LRRC69: variants seen among roughly 807,000 people sequenced by gnomAD.
LRRC69 encodes leucine rich repeat containing 69.
LRRC69 carries 42 observed loss-of-function variants against 37.8 expected under a neutral mutation model. That is an observed-to-expected ratio of 1.11 (90% CI 0.87 to 1.44). The LOEUF is 1.44. LRRC69 is among the 40% of genes most tolerant of loss of function. The pLI is 0.00. For synonymous variants in LRRC69, 141 were observed against 143.1 expected (o/e 0.99, Z 0.11); for missense variants, 357 against 401.9 (o/e 0.89, Z 0.96).
intron 6 of LRRC69, among the ~76,000 whole-genome samples, chr8:91,198,091 T>C (rs940458913): frequency 5.9e-5 from 9 of 152,208 alleles, no homozygotes; most frequent in African/African-American, 2.2e-4. Context: ...AACTATGATA[T>C]GGGTTATGCC....
intron 5 of LRRC69, among the ~76,000 whole-genome samples, chr8:91,143,860 A>G (rs1399768748): frequency 6.6e-6 from 1 of 151,894 alleles, no homozygotes; most frequent in Admixed American, 6.6e-5. Context: ...GTTTGAATCC[A>G]TTTTTCCCAA....
chr8:91,157,098 G>GGGTC (rs1167274446), intron 5 of LRRC69, among the ~76,000 whole-genome samples: 1 of 150,672 alleles, frequency 6.6e-6, no homozygotes, highest in East Asian at 2.0e-4. Flanking sequence ...TGGTTCTTGG[G>GGGTC]GGTCTTCTGT....
intron 7 of LRRC69, among the ~76,000 whole-genome samples, chr8:91,206,309 C>T (rs1242755387): frequency 1.3e-5 from 2 of 152,086 alleles, no homozygotes; most frequent in Non-Finnish European, 2.9e-5. Flanking sequence ...CCAAAGAGAA[C>T]ATTAAAATAG....
chr8:91,152,255 T>C (rs897282866), intron 5 of LRRC69, among the ~76,000 whole-genome samples: 1 of 151,754 alleles, frequency 6.6e-6, no homozygotes, highest in Admixed American at 6.6e-5. Flanking sequence ...CTAGGGTTTT[T>C]ATGGTTTTTG....
intron 5 of LRRC69, among the ~76,000 whole-genome samples, chr8:91,142,303 A>T: frequency 6.6e-6 from 1 of 152,096 alleles, no homozygotes; most frequent in East Asian, 1.9e-4. Context: ...CATTTAAATA[A>T]GCTCTTAGAA....
chr8:91,213,431 AGT>A (rs1290176785), intron 7 of LRRC69, among the ~76,000 whole-genome samples: 1 of 152,212 alleles, frequency 6.6e-6, no homozygotes, highest in Non-Finnish European at 1.5e-5. Flanking sequence ...ACTTCAGAGC[AGT>A]ACTCATGTCA....
At chr8:91,168,736 G>GT (rs10707830) in intron 5 of LRRC69, among the ~76,000 whole-genome samples, 1 of 150,638 alleles carries the variant, frequency 6.6e-6, no homozygotes, top group East Asian at 2.0e-4. Context: ...TGTGTTTTGT[G>GT]TTTTTTTTTG....
At chr8:91,163,413 G>A (rs1432468174) in intron 5 of LRRC69, among the ~76,000 whole-genome samples, 1 of 150,996 alleles carries the variant, frequency 6.6e-6, no homozygotes, top group Non-Finnish European at 1.5e-5. Flanking sequence ...AATACACATT[G>A]TTGAATGAAT....
intron 5 of LRRC69, among the ~76,000 whole-genome samples, chr8:91,169,473 A>G (rs1226136529): frequency 1.3e-5 from 2 of 151,908 alleles, no homozygotes; most frequent in African/African-American, 2.4e-5. Flanking sequence ...ATTACTGAAG[A>G]GTTTCCTGAC....
intron 3 of LRRC69, among the ~76,000 whole-genome samples, chr8:91,129,035 A>G (rs2130509071): frequency 6.6e-6 from 1 of 152,148 alleles, no homozygotes; most frequent in African/African-American, 2.4e-5. Context: ...TTTATTTAGA[A>G]CTTAGGAGAG....
At chr8:91,143,784 A>T (rs1413427111) in intron 5 of LRRC69, among the ~76,000 whole-genome samples, 2 of 152,034 alleles carry the variant, frequency 1.3e-5, no homozygotes, top group Admixed American at 6.6e-5. Flanking sequence ...TATGAGAAAC[A>T]CAGGAGGAAA....
chr8:91,211,198 T>A (rs188680531), intron 7 of LRRC69, among the ~76,000 whole-genome samples: 22 of 151,998 alleles, frequency 1.4e-4, no homozygotes, highest in African/African-American at 5.3e-4. Flanking sequence ...GAAGAAAAAA[T>A]TTTTAAAGGA....
chr8:91,127,145 C>T lies in LRRC69; in HGVS notation c.368C>T (p.Pro123Leu), dbSNP rs774406685. Reference sequence around the variant, plus strand: ...AACAACAATCATCTTACGCAGCTTCCTCAAGAAGTCAGCAGGTAATTTTGT... The same window carrying T: ...AACAACAATCATCTTACGCAGCTTCTTCAAGAAGTCAGCAGGTAATTTTGT... The change falls in exon 3 of 8, where the codon CCT (proline) becomes CTT (leucine). Residue 123 changes from proline (P) to leucine (L), a missense_variant. Coordinates refer to ENST00000448384, the Ensembl canonical transcript of LRRC69. 4 of 1,548,644 alleles carry T rather than the reference C, an allele frequency of 2.6e-6. No homozygotes were observed. Among genetic ancestry groups the T allele is most frequent in the African/African-American group, 1.4e-5 (1 of 72,878 alleles).
intron 5 of LRRC69, among the ~76,000 whole-genome samples, chr8:91,169,654 A>C (rs1809091112): frequency 5.0e-5 from 1 of 19,980 alleles, no homozygotes; most frequent in African/African-American, 1.9e-4. Flanking sequence ...TATATCTCCC[A>C]ATGCTATCCC....
intron 5 of LRRC69, among the ~76,000 whole-genome samples, chr8:91,179,431 G>C (rs888130081): frequency 6.6e-6 from 1 of 152,154 alleles, no homozygotes; most frequent in Non-Finnish European, 1.5e-5. Flanking sequence ...GTGCTAAACT[G>C]TTCATGAGAA....
intron 5 of LRRC69, among the ~76,000 whole-genome samples, chr8:91,175,497 A>T (rs983008735): frequency 1.1e-4 from 16 of 152,098 alleles, no homozygotes; most frequent in African/African-American, 3.9e-4. Flanking sequence ...CTTGGTTTGA[A>T]TTCCTGAAGA....
intron 1 of LRRC69, among the ~76,000 whole-genome samples, chr8:91,105,026 G>A (rs1001932045): frequency 5.3e-5 from 8 of 151,978 alleles, no homozygotes; most frequent in Admixed American, 2.6e-4. Flanking sequence ...ACTTCTGTTT[G>A]TTCACTCTTA....
Position 91,155,865 on chromosome 8 carries a change from G to A in LRRC69, c.651+20126G>A, listed in dbSNP as rs556520140. On this transcript the variant is annotated intron_variant, in intron 5 of 7. Transcript: ENST00000448384. ...ATTCTTTTTGTGAATATGTATGTGTGTGTATATATATATATACACAACATA... is the reference window on the plus strand; with the variant it reads ...ATTCTTTTTGTGAATATGTATGTGTATGTATATATATATATACACAACATA... 4.3e-5 allele frequency among the ~76,000 whole-genome samples: 6 copies of A among 138,322 alleles called. No homozygotes were observed. The South Asian group carries it at 1.3e-3, about 29-fold the overall frequency. 90.7% of individuals were successfully genotyped at this position (138,322 alleles called of 152,430 possible).
chr8:91,154,732 T>C (rs970913059), intron 5 of LRRC69, among the ~76,000 whole-genome samples: 4 of 151,538 alleles, frequency 2.6e-5, no homozygotes, highest in African/African-American at 9.7e-5. Flanking sequence ...CTCAAAATAA[T>C]AAGAACTATT....
Sources: gnomAD v4.1 joint callset for allele counts (sites outside exome capture counted in the v4.1 genomes callset) on GRCh38, gnomAD v4.1.1 for gene constraint, MANE v1.5 for transcripts, NCBI Gene and HGNC (gene_info 2026-07-23, HGNC 2026-07-21) for gene names.